The following TMEM218 variants were observed in gnomAD, a reference collection of about 807,000 sequenced individuals.
The protein encoded by TMEM218 is transmembrane protein 218.
A neutral mutation model predicts 10.0 loss-of-function variants in TMEM218; 8 were observed. That is an observed-to-expected ratio of 0.80 (90% CI 0.47 to 1.44). The LOEUF is 1.44. TMEM218 is among the 40% of genes most tolerant of loss of function. The pLI is 0.00. For missense variants in TMEM218, 110 were observed against 140.1 expected (o/e 0.79, Z 1.08); for synonymous variants, 66 against 63.5 (o/e 1.04, Z -0.18).
At chr11:125,099,059 G>A (rs7101408) in intron 4 of TMEM218, among the ~76,000 whole-genome samples, 2,875 of 152,328 alleles carry the variant, frequency 0.019, 80 homozygotes, top group African/African-American at 0.062. Flanking sequence ...TAATACATCT[G>A]TGTTGGGAGC....
chr11:125,101,521 C>T, intron 3 of TMEM218: 1 of 1,508,336 alleles, frequency 6.6e-7, no homozygotes, highest in Non-Finnish European at 8.8e-7. Context: ...ATTCCCAATT[C>T]CTAAGAATGG....
In TMEM218 at chr11:125,102,289, G is replaced by C. The variant is rs749383598; in HGVS notation, c.-48C>G. On this transcript the variant is annotated 5_prime_UTR_variant, in exon 3 of 5. Transcript: ENST00000682305. ...CCCCCGCCCTGCGCGCCGCACGATCGAGTGTCCTCTGTGCTCCAGTGCAAC... is the reference window on the plus strand; with the variant it reads ...CCCCCGCCCTGCGCGCCGCACGATCCAGTGTCCTCTGTGCTCCAGTGCAAC... 3 of 1,593,434 alleles carry C rather than the reference G, an allele frequency of 1.9e-6. No individual in the cohort carries two copies. The highest frequency in any genetic ancestry group is 2.7e-5 in the African/African-American group (2 of 74,388).
rs1317610708 is a variant in TMEM218 at position 125,099,291 on chromosome 11, G to A, written c.214-1551C>T. 4.6e-5 allele frequency among the ~76,000 whole-genome samples: 7 copies of A among 152,110 alleles called. No homozygotes were observed. The East Asian group carries it at 1.2e-3, about 25-fold the overall frequency. On this transcript the variant is annotated intron_variant, in intron 4 of 4. Transcript: ENST00000682305. ...CTCCGGTACTGAACAAGTCTCTTGCGGGCCACATGTTTGCTCGTTCGACAC... is the reference window on the plus strand; with the variant it reads ...CTCCGGTACTGAACAAGTCTCTTGCAGGCCACATGTTTGCTCGTTCGACAC...
chr11:125,103,352 T>TC (rs2135813059), intron 1 of TMEM218: 1 of 152,432 alleles, frequency 6.6e-6, no homozygotes, highest in South Asian at 2.1e-4. Context: ...CCCCCCTGCA[T>TC]CCCCCTGTGG....
rs1360557279 is a variant in TMEM218 at position 125,101,216 on chromosome 11, T to A, written c.198A>T (p.Pro66=). The change falls in exon 4 of 5, where the codon CCA becomes CCT. Residue 66 remains proline, a synonymous_variant. Transcript: ENST00000682305. ...ACAGCTTTACCTTAACTTCCACTTC[T>A]GGGGCTGGGAATTCACCAGCTCGCG... ...LFPRAGEFPA[P]EVEVKIVDDF... is the part of the protein sequence containing the mutation. 1 of 1,613,604 alleles carries A rather than the reference T, an allele frequency of 6.2e-7. No individual in the cohort carries two copies. Among genetic ancestry groups the A allele is most frequent in the South Asian group, 1.1e-5 (1 of 91,072 alleles).
intron 3 of TMEM218, 74 bp from the exon 4 acceptor site, chr11:125,101,377 T>C: frequency 6.6e-7 from 1 of 1,526,328 alleles, no homozygotes; most frequent in Non-Finnish European, 8.9e-7. Flanking sequence ...CTGGACAGTC[T>C]CTTCCTTGGA....
intron 1 of TMEM218, among the ~76,000 whole-genome samples, chr11:125,109,341 C>T (rs1953105442): frequency 6.6e-6 from 1 of 151,888 alleles, no homozygotes; most frequent in African/African-American, 2.4e-5. Flanking sequence ...TGGGCATAAA[C>T]AATACATGAC....
chr11:125,095,490 T>C lies in TMEM218; in HGVS notation c.*2116A>G, dbSNP rs10790724. On this transcript the variant is annotated 3_prime_UTR_variant, in exon 5 of 5. Transcript: ENST00000682305. ...AGCCTTCTACGTCTTATCCCAACCCTGCGGGGCTTTTTTTGCATAACTGCA... is the reference window on the plus strand; with the variant it reads ...AGCCTTCTACGTCTTATCCCAACCCCGCGGGGCTTTTTTTGCATAACTGCA... Among the ~76,000 whole-genome samples the C allele has an allele frequency of 0.77, 116,497 of 152,194 alleles. 44,928 individuals carry two copies. Among genetic ancestry groups the C allele is most frequent in the African/African-American group, 0.87 (36,064 of 41,526 alleles).
rs1949400899 is a variant in TMEM218 at position 125,094,618 on chromosome 11, T to C, written c.*2988A>G. On this transcript the variant is annotated 3_prime_UTR_variant, in exon 5 of 5. Coordinates refer to ENST00000682305, the MANE Select transcript of TMEM218 (RefSeq NM_001258244.2). ...AACTTTTTAAATCCCTTGTCCTCTC[T>C]GCCTGTTTCTCATCTGTAAAATAAT... Among the ~76,000 whole-genome samples, 1 of 149,286 alleles carries C rather than the reference T, an allele frequency of 6.7e-6. No individual in the cohort carries two copies. The highest frequency in any genetic ancestry group is 2.5e-5 in the African/African-American group (1 of 39,788).
chr11:125,099,513 T>A (rs1052841042), intron 4 of TMEM218, among the ~76,000 whole-genome samples: 10 of 152,210 alleles, frequency 6.6e-5, no homozygotes, highest in Non-Finnish European at 1.3e-4. Context: ...CTGAAACTCA[T>A]ATGACAGACA....
chr11:125,096,101 T>A lies in TMEM218; in HGVS notation c.*1505A>T, dbSNP rs1949611914. On this transcript the variant is annotated 3_prime_UTR_variant, in exon 5 of 5. Coordinates refer to ENST00000682305, the MANE Select transcript of TMEM218 (RefSeq NM_001258244.2). ...TGTGCCCTAGGCCAGATTAGGAAAC[T>A]ATTTCCTTTGAAGTTTTCTGTACAA... Among the ~76,000 whole-genome samples the A allele has an allele frequency of 1.3e-5, 2 of 152,224 alleles. No individual in the cohort carries two copies. The highest frequency in any genetic ancestry group is 1.3e-4 in the Admixed American group (2 of 15,286).
intron 2 of TMEM218, 49 bp from the exon 3 acceptor site, chr11:125,102,366 G>C (rs1360247962): frequency 6.5e-7 from 1 of 1,529,780 alleles, no homozygotes; most frequent in Non-Finnish European, 8.7e-7. Flanking sequence ...ACTCATTACA[G>C]GTTATTTTTT....
At position 125,097,430 on chromosome 11, in the gene TMEM218, T is replaced by G. The variant is rs1949792882; in HGVS notation, c.*176A>C. 1 of 608,454 alleles carries G rather than the reference T, an allele frequency of 1.6e-6. No homozygotes were observed. 37.7% of individuals were successfully genotyped at this position (608,454 alleles called of 1,614,324 possible). A position where few individuals can be genotyped will look rare whatever the true frequency, so the allele number is the denominator to read the frequency against. ...AAGAATCTAGCCCCACAGGGACAAT[T>G]TGGCAATCCTGTTTCTGGAAGCCAG... On this transcript the variant is annotated 3_prime_UTR_variant, in exon 5 of 5. Transcript: ENST00000682305.
At chr11:125,107,594 C>T (rs985524885) in intron 1 of TMEM218, among the ~76,000 whole-genome samples, 2 of 151,910 alleles carry the variant, frequency 1.3e-5, no homozygotes, top group Admixed American at 6.6e-5. Flanking sequence ...TGCATACACA[C>T]GTAGCACATT....
chr11:125,111,517 G>C (rs1591445636), intron 1 of TMEM218, 22 bp downstream of exon 1: 1 of 152,344 alleles, frequency 6.6e-6, no homozygotes, highest in South Asian at 2.1e-4. Flanking sequence ...TCCCTTCCCC[G>C]CAGCCGCCCC....
chr11:125,105,474 A>G (rs1434222407), intron 1 of TMEM218, among the ~76,000 whole-genome samples: 2 of 152,208 alleles, frequency 1.3e-5, no homozygotes, highest in Non-Finnish European at 2.9e-5. Flanking sequence ...AAATGAACCA[A>G]GAAAGGAGGT....
intron 1 of TMEM218, among the ~76,000 whole-genome samples, chr11:125,107,797 G>GTA (rs1389771222): frequency 0.021 from 3,089 of 147,374 alleles, 110 homozygotes; most frequent in African/African-American, 0.072. Flanking sequence ...GTGGATATGT[G>GTA]TGTATATATA....
chr11:125,102,360 A>G, intron 2 of TMEM218, 43 bp from the exon 3 acceptor site: 1 of 1,531,032 alleles, frequency 6.5e-7, no homozygotes. Flanking sequence ...GCCTAAACTC[A>G]TTACAGGTTA....
Position 125,096,519 on chromosome 11 carries a change from A to G in TMEM218, c.*1087T>C, listed in dbSNP as rs377212550. Reference sequence around the variant, plus strand: ...TTTTCTACTTTAAAGTGGGGATGATAAAAATGAGACCGTTGTAAAAATTAA... The same window carrying G: ...TTTTCTACTTTAAAGTGGGGATGATGAAAATGAGACCGTTGTAAAAATTAA... On this transcript the variant is annotated 3_prime_UTR_variant, in exon 5 of 5. Transcript: ENST00000682305. The G allele has an allele frequency of 1.3e-3, 197 of 152,354 alleles. No individual in the cohort carries two copies. Among genetic ancestry groups the G allele is most frequent in the African/African-American group, 4.4e-3 (185 of 41,578 alleles). The allele number at this position is 152,354 out of a possible 1,614,324, so 9.4% of individuals were successfully genotyped here.
Sources: gnomAD v4.1 joint callset for allele counts (sites outside exome capture counted in the v4.1 genomes callset) on GRCh38, gnomAD v4.1.1 for gene constraint, MANE v1.5 for transcripts, NCBI Gene and HGNC (gene_info 2026-07-23, HGNC 2026-07-21) for gene names.